TSHR: variants seen among roughly 807,000 people sequenced by gnomAD.
The protein encoded by TSHR is thyrotropin receptor.
Under a neutral mutation model 64.1 loss-of-function variants are expected in TSHR, and 51 were observed. That is an observed-to-expected ratio of 0.80 (90% CI 0.64 to 1.01). The LOEUF is 1.01. TSHR is among the 50% of genes least tolerant of loss of function. The pLI is 0.00. For synonymous variants in TSHR, 361 were observed against 361.9 expected (o/e 1.00, Z 0.03); for missense variants, 877 against 942.8 (o/e 0.93, Z 0.91).
At chr14:80,973,402 T>C (rs1887685221) in intron 1 of TSHR, among the ~76,000 whole-genome samples, 1 of 5,396 alleles carries the variant, frequency 1.9e-4, no homozygotes, top group African/African-American at 4.8e-4. Context: ...AGACGCTGTC[T>C]CAAAAAAAAA....
chr14:81,033,232 G>T, intron 1 of TSHR: 1 of 468,130 alleles, frequency 2.1e-6, no homozygotes, highest in Non-Finnish European at 4.2e-6. Context: ...CCTCAGAAGG[G>T]GCCAGAGCAT....
chr14:81,135,439 G>A (rs1891415197), intron 8 of TSHR, among the ~76,000 whole-genome samples: 2 of 152,156 alleles, frequency 1.3e-5, no homozygotes, highest in Admixed American at 1.3e-4. Flanking sequence ...CCTAAAATCA[G>A]AATAGTGGAA....
chr14:80,975,980 T>C (rs1046250099), intron 1 of TSHR, among the ~76,000 whole-genome samples: 17 of 152,074 alleles, frequency 1.1e-4, no homozygotes, highest in Non-Finnish European at 2.2e-4. Flanking sequence ...GGCACAATCT[T>C]GGCTCACTGC....
intron 1 of TSHR, among the ~76,000 whole-genome samples, chr14:81,029,746 G>A (rs1328160530): frequency 1.3e-5 from 2 of 151,990 alleles, no homozygotes; most frequent in African/African-American, 4.8e-5. Context: ...AAGAAAAGAG[G>A]GTGAAATAAT....
At chr14:81,138,817 T>C (rs1306184313) in intron 8 of TSHR, among the ~76,000 whole-genome samples, 1 of 152,202 alleles carries the variant, frequency 6.6e-6, no homozygotes, top group Non-Finnish European at 1.5e-5. Flanking sequence ...TGACAAAATA[T>C]AAAATAGGAG....
intron 1 of TSHR, among the ~76,000 whole-genome samples, chr14:81,036,566 A>G (rs1217495353): frequency 2.0e-5 from 3 of 152,202 alleles, no homozygotes; most frequent in African/African-American, 7.2e-5. Context: ...GTAATCCATC[A>G]CTGCTAGACC....
chr14:81,084,973 A>G (rs79988656), intron 3 of TSHR, among the ~76,000 whole-genome samples: 2,104 of 152,104 alleles, frequency 0.014, 37 homozygotes, highest in Admixed American at 0.048. Flanking sequence ...TGATTGATTG[A>G]TTGATTGAGA....
At chr14:81,060,208 AC>A (rs1281772059) in intron 1 of TSHR, among the ~76,000 whole-genome samples, 2 of 152,160 alleles carry the variant, frequency 1.3e-5, no homozygotes, top group African/African-American at 4.8e-5. Flanking sequence ...TTGCCTTACG[AC>A]AGCTCTATGA....
chr14:81,052,192 G>C (rs1458834792), intron 1 of TSHR: 1 of 152,166 alleles, frequency 6.6e-6, no homozygotes, highest in African/African-American at 2.4e-5. Context: ...TTACATTTAA[G>C]AGTCTCACCC....
intron 8 of TSHR, among the ~76,000 whole-genome samples, chr14:81,133,834 C>A (rs1891345993): frequency 6.6e-6 from 1 of 152,094 alleles, no homozygotes. Context: ...AGAAAGGAAC[C>A]TTTAACAAAG....
At chr14:81,077,940 T>G (rs997160486) in intron 3 of TSHR, among the ~76,000 whole-genome samples, 1 of 152,178 alleles carries the variant, frequency 6.6e-6, no homozygotes, top group Non-Finnish European at 1.5e-5. Flanking sequence ...CCACATATCA[T>G]GTAAGAACCT....
chr14:81,012,045 T>G (rs1042309661), intron 1 of TSHR: 9 of 151,974 alleles, frequency 5.9e-5, no homozygotes, highest in African/African-American at 1.9e-4. Flanking sequence ...ACCCACTAAC[T>G]CGTCATCTAG....
chr14:80,961,219 C>G (rs1220018119), intron 1 of TSHR, among the ~76,000 whole-genome samples: 2 of 152,190 alleles, frequency 1.3e-5, no homozygotes, highest in Admixed American at 1.3e-4. Context: ...AACTATATCC[C>G]AGACACTGTG....
At chr14:81,023,032 TC>T (rs1883855861) in intron 1 of TSHR, among the ~76,000 whole-genome samples, 1 of 152,176 alleles carries the variant, frequency 6.6e-6, no homozygotes, top group Non-Finnish European at 1.5e-5. Context: ...TGTGGAGATC[TC>T]TTGGTGCCTT....
intron 1 of TSHR, among the ~76,000 whole-genome samples, chr14:80,996,503 G>A (rs1337420326): frequency 6.6e-6 from 1 of 152,154 alleles, no homozygotes; most frequent in East Asian, 1.9e-4. Flanking sequence ...CCAGCAGAGG[G>A]AGCACAAAGA....
At chr14:81,135,534 C>A (rs1373791037) in intron 8 of TSHR, among the ~76,000 whole-genome samples, 2 of 152,078 alleles carry the variant, frequency 1.3e-5, no homozygotes, top group Non-Finnish European at 2.9e-5. Flanking sequence ...CAATGAGAAC[C>A]ATGAAATTGT....
At chr14:80,985,472 A>C (rs1264793883) in intron 1 of TSHR, among the ~76,000 whole-genome samples, 1 of 152,238 alleles carries the variant, frequency 6.6e-6, no homozygotes, top group African/African-American at 2.4e-5. Flanking sequence ...TTGCAGCTTC[A>C]ACAATACAAA....
chr14:81,146,125 T>C lies in TSHR; in HGVS notation c.*1772T>C, dbSNP rs1458470633. On this transcript the variant is annotated 3_prime_UTR_variant, in exon 10 of 10. Coordinates refer to ENST00000298171, the MANE Select transcript of TSHR (RefSeq NM_000369.5). ...TAAACAAATGTGTTGCCTTTTGTCA[T>C]GTGTTTCTCTCCTGTGACATTTCAA... The C allele has an allele frequency of 8.8e-6, 2 of 228,336 alleles. No homozygotes were observed. Among genetic ancestry groups the C allele is most frequent in the Non-Finnish European group, 1.7e-5 (2 of 115,082 alleles). The allele number at this position is 228,336 out of a possible 1,614,324, so 14.1% of individuals were successfully genotyped here.
intron 9 of TSHR, among the ~76,000 whole-genome samples, chr14:81,140,621 C>G (rs1891643795): frequency 6.6e-6 from 1 of 152,152 alleles, no homozygotes; most frequent in South Asian, 2.1e-4. Context: ...TTCTCTGATT[C>G]TTTTACTTTT....
Sources: allele counts gnomAD v4.1 joint callset (sites outside exome capture counted in the v4.1 genomes callset), GRCh38; gene constraint gnomAD v4.1.1; transcripts MANE v1.5; gene names NCBI Gene and HGNC (gene_info 2026-07-23, HGNC 2026-07-21).